The following IYD variants were observed in gnomAD, a reference collection of about 807,000 sequenced individuals.
The protein encoded by IYD is iodotyrosine deiodinase 1.
In IYD, 25 loss-of-function variants were observed where a neutral mutation model predicts 28.4. That is an observed-to-expected ratio of 0.88 (90% CI 0.64 to 1.23). IYD has a LOEUF of 1.23. IYD is among the 50% of genes most tolerant of loss of function. The probability of loss-of-function intolerance (pLI) is 0.00; values close to 1 mark genes in which losing one functional copy is unlikely to be tolerated. For synonymous variants in IYD, 140 were observed against 130.8 expected (o/e 1.07, Z -0.48); for missense variants, 352 against 357.9 (o/e 0.98, Z 0.13).
chr6:150,405,664 T>G lies in IYD; in HGVS notation c.*7427T>G, dbSNP rs112917605. 1 of 152,130 alleles carries G rather than the reference T, an allele frequency of 6.6e-6. No individual in the cohort carries two copies. Among genetic ancestry groups the G allele is most frequent in the East Asian group, 1.9e-4 (1 of 5,176 alleles). The allele number at this position is 152,130 out of a possible 1,614,324, so 9.4% of individuals were successfully genotyped here. A position where few individuals can be genotyped will look rare whatever the true frequency, so the allele number is the denominator to read the frequency against. ...GCCATCAGATCTCATGAGAACTCAC[T>G]CATTCTCATGAGAATAACATGGGGG... On this transcript the variant is annotated 3_prime_UTR_variant, in exon 5 of 5. Coordinates refer to ENST00000344419, the MANE Select transcript of IYD (RefSeq NM_203395.3).
Position 150,404,845 on chromosome 6 carries a change from C to T in IYD, c.*6608C>T, listed in dbSNP as rs1489419193. The T allele has an allele frequency of 6.6e-6, 1 of 152,134 alleles. No homozygotes were observed. Among genetic ancestry groups the T allele is most frequent in the Non-Finnish European group, 1.5e-5 (1 of 68,020 alleles). The allele number at this position is 152,134 out of a possible 1,614,324, so 9.4% of individuals were successfully genotyped here. On this transcript the variant is annotated 3_prime_UTR_variant, in exon 5 of 5. Coordinates refer to ENST00000344419, the MANE Select transcript of IYD (RefSeq NM_203395.3). ...AACAAATAAGGGATTATTTTTCCCT[C>T]CTAGTGAGAAGTCTGGAGGTAGATA...
rs1582806644 is a variant in IYD, at chr6:150,398,337, T to G, written c.*100T>G. On this transcript the variant is annotated 3_prime_UTR_variant, in exon 5 of 5. Coordinates refer to ENST00000344419, the MANE Select transcript of IYD (RefSeq NM_203395.3). ...GTCTCTTGGCTGCTCTTTCTCCAGG[T>G]GTCAGGTCCCCTCATTGCTCTTCTC... 234 of 1,179,034 alleles carry G rather than the reference T, an allele frequency of 2.0e-4. No individual in the cohort carries two copies. The highest frequency in any genetic ancestry group is 2.8e-4 in the Middle Eastern group (1 of 3,522). The allele number at this position is 1,179,034 out of a possible 1,614,324, so 73.0% of individuals were successfully genotyped here. A position where few individuals can be genotyped will look rare whatever the true frequency, so the allele number is the denominator to read the frequency against.
chr6:150,396,650 G>A (rs951869606), intron 4 of IYD: 3 of 428,390 alleles, frequency 7.0e-6, no homozygotes, highest in Non-Finnish European at 1.2e-5. Context: ...CAAGGCGGGC[G>A]GATCACGAGG....
At chr6:150,369,966 G>A (rs562656111) in intron 1 of IYD, 68 of 702,202 alleles carry the variant, frequency 9.7e-5, no homozygotes, top group South Asian at 5.2e-4. Context: ...AATTGAGGGC[G>A]GGAAGGTTAT....
intron 4 of IYD, chr6:150,396,656 C>T (rs968086265): frequency 3.1e-5 from 13 of 415,788 alleles, no homozygotes; most frequent in African/African-American, 6.3e-5. Context: ...GGGCGGATCA[C>T]GAGGTCAGGA....
chr6:150,397,656 T>A (rs1014803774), intron 4 of IYD, among the ~76,000 whole-genome samples: 2 of 151,742 alleles, frequency 1.3e-5, no homozygotes, highest in African/African-American at 4.8e-5. Context: ...TTTGGTGGAC[T>A]CTCTTATCAT....
intron 1 of IYD, among the ~76,000 whole-genome samples, chr6:150,379,058 G>C (rs923709971): frequency 8.5e-5 from 13 of 152,130 alleles, no homozygotes; most frequent in Non-Finnish European, 1.5e-4. Flanking sequence ...TGCAGCATCT[G>C]GAATCAGGCA....
chr6:150,396,549 A>G, intron 4 of IYD: 1 of 676,030 alleles, frequency 1.5e-6, no homozygotes, highest in Non-Finnish European at 2.6e-6. Flanking sequence ...ATAAAATGAC[A>G]CTAAATTAAG....
intron 1 of IYD, among the ~76,000 whole-genome samples, chr6:150,378,901 A>G (rs1315062676): frequency 2.6e-5 from 4 of 152,212 alleles, no homozygotes; most frequent in Non-Finnish European, 2.9e-5. Context: ...CAAATGTCCA[A>G]CAATGATAGA....
chr6:150,382,318 G>A (rs965788694), intron 1 of IYD, among the ~76,000 whole-genome samples: 1 of 152,022 alleles, frequency 6.6e-6, no homozygotes, highest in Admixed American at 6.6e-5. Flanking sequence ...GCCCAATCTT[G>A]TTTCTTTCCT....
rs557866814 is a variant in IYD at position 150,405,368 on chromosome 6, C to T, written c.*7131C>T. 1 of 152,358 alleles carries T rather than the reference C, an allele frequency of 6.6e-6. No individual in the cohort carries two copies. The highest frequency in any genetic ancestry group is 2.1e-4 in the South Asian group (1 of 4,816). 9.4% of individuals were successfully genotyped at this position (152,358 alleles called of 1,614,324 possible). ...TACTACTTTTGAGTCCTTTCCACCCCTTACTTGGCCCCTCAATTCATACTT... is the reference window on the plus strand; with the variant it reads ...TACTACTTTTGAGTCCTTTCCACCCTTTACTTGGCCCCTCAATTCATACTT... On this transcript the variant is annotated 3_prime_UTR_variant, in exon 5 of 5. Coordinates refer to ENST00000344419, the MANE Select transcript of IYD (RefSeq NM_203395.3).
chr6:150,380,316 AACTACC>A (rs765888101), intron 1 of IYD, among the ~76,000 whole-genome samples: 2 of 152,132 alleles, frequency 1.3e-5, no homozygotes, highest in Non-Finnish European at 2.9e-5. Context: ...AAAACACCAC[AACTACC>A]ACTACCACTA....
At chr6:150,394,047 G>T (rs557794199) in intron 3 of IYD, 52 bp from the exon 4 acceptor site, 61 of 1,572,016 alleles carry the variant, frequency 3.9e-5, no homozygotes, top group Non-Finnish European at 5.1e-5. Flanking sequence ...GGTAGTAAAA[G>T]AGAACAAAAA....
At chr6:150,369,669 C>G (rs1342344258) in intron 1 of IYD, among the ~76,000 whole-genome samples, 1 of 152,146 alleles carries the variant, frequency 6.6e-6, no homozygotes, top group Non-Finnish European at 1.5e-5. Flanking sequence ...AACTGAATGT[C>G]CAGTTCAGCT....
chr6:150,384,560 A>G (rs1241845463), intron 1 of IYD: 5 of 152,178 alleles, frequency 3.3e-5, no homozygotes, highest in Non-Finnish European at 4.4e-5. Flanking sequence ...ATCTATTATT[A>G]TTATTATATT....
At chr6:150,391,916 C>T (rs1190726267) in intron 2 of IYD, among the ~76,000 whole-genome samples, 2 of 151,936 alleles carry the variant, frequency 1.3e-5, no homozygotes, top group African/African-American at 4.8e-5. Flanking sequence ...ACCATGTTGG[C>T]CAGGCTGGTT....
chr6:150,380,454 T>C (rs943831854), intron 1 of IYD, among the ~76,000 whole-genome samples: 4 of 152,222 alleles, frequency 2.6e-5, no homozygotes, highest in African/African-American at 9.6e-5. Flanking sequence ...GCGCTGCTTC[T>C]TCATGCTTTG....
chr6:150,381,557 A>C (rs1293668562), intron 1 of IYD, among the ~76,000 whole-genome samples: 1 of 152,224 alleles, frequency 6.6e-6, no homozygotes, highest in Non-Finnish European at 1.5e-5. Context: ...ATTATCACTT[A>C]GGTTAAGAAA....
chr6:150,392,513 A>C lies in IYD; in HGVS notation c.530+9A>C, dbSNP rs1156944123. ...GACCTCAAGAAACTGAGGTACAAAC[A>C]GTGGTGGAACTGGGGATGTTTGCCT... On this transcript the variant is annotated intron_variant, in intron 3 of 4. Transcript: ENST00000344419. 1 of 1,613,626 alleles carries C rather than the reference A, an allele frequency of 6.2e-7. No homozygotes were observed. The highest frequency in any genetic ancestry group is 2.2e-5 in the East Asian group (1 of 44,878).
Sources: allele counts gnomAD v4.1 joint callset (sites outside exome capture counted in the v4.1 genomes callset), GRCh38; gene constraint gnomAD v4.1.1; transcripts MANE v1.5; gene names NCBI Gene and HGNC (gene_info 2026-07-23, HGNC 2026-07-21).